The following RBFOX1 variants were observed in gnomAD, a reference collection of about 807,000 sequenced individuals.
The protein encoded by RBFOX1 is RNA binding fox-1 homolog 1, also known as RNA binding protein fox-1 homolog 1.
RBFOX1 carries 8 observed loss-of-function variants against 57.7 expected under a neutral mutation model. The ratio of observed to expected loss-of-function variants is 0.14; its 90% CI spans 0.08 to 0.25. The LOEUF (loss-of-function observed/expected upper bound fraction) is 0.25, where lower values mean the gene tolerates loss of function less well. Ranked by LOEUF, RBFOX1 falls within the 10% of genes least tolerant of loss-of-function variation. The pLI, the probability that RBFOX1 is intolerant of heterozygous loss-of-function variation, is 1.00. For synonymous variants in RBFOX1, 326 were observed against 222.4 expected (o/e 1.47, Z -4.15); for missense variants, 611 against 548.5 (o/e 1.11, Z -1.14).
intron 4 of RBFOX1, among the ~76,000 whole-genome samples, chr16:7,444,201 T>A (rs1215901521): frequency 2.0e-5 from 3 of 152,240 alleles, no homozygotes; most frequent in Admixed American, 2.0e-4. Context: ...TTAAGTCTCA[T>A]GTAAATATCT....
chr16:5,344,368 A>G (rs2065095900), intron 1 of RBFOX1, among the ~76,000 whole-genome samples: 2 of 152,170 alleles, frequency 1.3e-5, no homozygotes, highest in African/African-American at 4.8e-5. Flanking sequence ...TTTTGCTTTA[A>G]AAACAACCTG....
At chr16:6,767,947 TAAGAAG>T (rs71145291) in intron 3 of RBFOX1, among the ~76,000 whole-genome samples, 2,979 of 100,766 alleles carry the variant, frequency 0.03, 60 homozygotes, top group African/African-American at 0.07. Flanking sequence ...ATAATAATAA[TAAGAAG>T]AAGAAGAAGA....
At chr16:6,362,552 A>G (rs1460160880) in intron 2 of RBFOX1, among the ~76,000 whole-genome samples, 1 of 152,196 alleles carries the variant, frequency 6.6e-6, no homozygotes, top group African/African-American at 2.4e-5. Context: ...AGTTTACCTG[A>G]TGCTCTCTGA....
At position 6,019,935 on chromosome 16, in the gene RBFOX1, G is replaced by A; in HGVS notation, c.-184G>A. 6.5e-7 allele frequency: 1 copy of A among 1,534,628 alleles called. No homozygotes were observed. The highest frequency in any genetic ancestry group is 8.7e-7 in the Non-Finnish European group (1 of 1,146,282). On this transcript the variant is annotated 5_prime_UTR_variant, in exon 1 of 16. Coordinates refer to ENST00000550418, the MANE Select transcript of RBFOX1 (RefSeq NM_018723.4). This position sits in a 1 kb window ranked among gnomAD's most constrained non-coding sequence, Gnocchi z 4.2. ...GGCTGGGGGTGCAGAGAGCGCACGG[G>A]AATTCGGGGGTCTGGGGCCGAGAAC...
At chr16:5,779,871 A>G (rs888168334) in intron 3 of RBFOX1, among the ~76,000 whole-genome samples, 6 of 152,154 alleles carry the variant, frequency 3.9e-5, no homozygotes, top group Non-Finnish European at 8.8e-5. Flanking sequence ...AATCTGCCTG[A>G]TCTTCAGTTT....
chr16:7,365,605 C>T (rs2097427666), intron 4 of RBFOX1, among the ~76,000 whole-genome samples: 2 of 152,146 alleles, frequency 1.3e-5, no homozygotes, highest in African/African-American at 2.4e-5. Flanking sequence ...TAAACATTTG[C>T]CAAGGCACAG....
intron 1 of RBFOX1, among the ~76,000 whole-genome samples, chr16:5,255,362 A>ATCCC (rs2062564630): frequency 9.3e-6 from 1 of 107,748 alleles, no homozygotes; most frequent in African/African-American, 3.4e-5. Context: ...CCCTCCATCC[A>ATCCC]TCCATCCATC....
chr16:7,264,000 T>G (rs2095032927), intron 4 of RBFOX1, among the ~76,000 whole-genome samples: 1 of 151,556 alleles, frequency 6.6e-6, no homozygotes, highest in Admixed American at 6.6e-5. Flanking sequence ...TCTTGGCGGT[T>G]TTGTTACATC....
At chr16:6,653,592 A>T (rs1777432341) in intron 2 of RBFOX1, among the ~76,000 whole-genome samples, 2 of 152,136 alleles carry the variant, frequency 1.3e-5, no homozygotes, top group Non-Finnish European at 2.9e-5. Flanking sequence ...AATAAATATG[A>T]ATGAGTGGAT....
intron 2 of RBFOX1, among the ~76,000 whole-genome samples, chr16:6,621,060 C>G (rs911144954): frequency 1.3e-5 from 2 of 152,224 alleles, no homozygotes; most frequent in Non-Finnish European, 2.9e-5. Flanking sequence ...GGACTGCCAG[C>G]AATCCTTGGC....
chr16:7,084,557 C>G (rs2153802742), intron 4 of RBFOX1, among the ~76,000 whole-genome samples: 1 of 152,244 alleles, frequency 6.6e-6, no homozygotes. Flanking sequence ...AGGGGAATGT[C>G]AAGGTGCTGC....
At chr16:6,583,363 C>T (rs1188027135) in intron 2 of RBFOX1, among the ~76,000 whole-genome samples, 2 of 152,162 alleles carry the variant, frequency 1.3e-5, no homozygotes. Flanking sequence ...AATGGGCCTG[C>T]TGATGCCAAA....
At chr16:5,320,748 A>T (rs1006245563) in intron 1 of RBFOX1, among the ~76,000 whole-genome samples, 3 of 152,098 alleles carry the variant, frequency 2.0e-5, no homozygotes, top group Admixed American at 2.0e-4. Flanking sequence ...TTTCCTGGCC[A>T]CCCTTGATAT....
At chr16:7,283,003 G>C (rs2095577463) in intron 4 of RBFOX1, among the ~76,000 whole-genome samples, 1 of 152,146 alleles carries the variant, frequency 6.6e-6, no homozygotes, top group Admixed American at 6.6e-5. Context: ...GCACTCATTG[G>C]TTTATGGATG....
intron 2 of RBFOX1, among the ~76,000 whole-genome samples, chr16:6,505,536 C>T (rs1023490791): frequency 5.3e-5 from 8 of 152,122 alleles, no homozygotes; most frequent in Non-Finnish European, 8.8e-5. Context: ...TCTGTGTATT[C>T]TCACCGTCTA....
chr16:5,719,016 A>C (rs2051827836), intron 3 of RBFOX1, among the ~76,000 whole-genome samples: 1 of 152,074 alleles, frequency 6.6e-6, no homozygotes, highest in Non-Finnish European at 1.5e-5. Context: ...GATTTCTGTA[A>C]GGATTGACTG....
At chr16:6,957,212 A>T (rs1416034339) in intron 3 of RBFOX1, among the ~76,000 whole-genome samples, 2 of 149,444 alleles carry the variant, frequency 1.3e-5, no homozygotes, top group East Asian at 2.0e-4. Flanking sequence ...GCTCACTGCA[A>T]GCTCCGCCTC....
At chr16:5,875,059 A>C (rs1271005221) in intron 4 of RBFOX1, among the ~76,000 whole-genome samples, 1 of 152,240 alleles carries the variant, frequency 6.6e-6, no homozygotes, top group African/African-American at 2.4e-5. Flanking sequence ...TGAGAGGCTG[A>C]CTAACCAGCA....
At chr16:5,735,010 C>T (rs374815130) in intron 3 of RBFOX1, among the ~76,000 whole-genome samples, 1 of 152,142 alleles carries the variant, frequency 6.6e-6, no homozygotes, top group Non-Finnish European at 1.5e-5. Context: ...GAAGACAACT[C>T]CAAGGAAGAT....
Sources: gnomAD v4.1 joint callset for allele counts (sites outside exome capture counted in the v4.1 genomes callset) on GRCh38, gnomAD v4.1.1 for gene constraint, Gnocchi (gnomAD v3.1) non-coding constraint, MANE v1.5 for transcripts, NCBI Gene and HGNC (gene_info 2026-07-23, HGNC 2026-07-21) for gene names.